NUMB: variants seen among roughly 807,000 people sequenced by gnomAD.
NUMB encodes protein numb homolog.
Under a neutral mutation model 59.7 loss-of-function variants are expected in NUMB, and 29 were observed. That is an observed-to-expected ratio of 0.49 (90% CI 0.36 to 0.66). The LOEUF (loss-of-function observed/expected upper bound fraction) is 0.66. NUMB is among the 30% of genes least tolerant of loss of function. The pLI is 0.00. For synonymous variants in NUMB, 288 were observed against 288.2 expected (o/e 1.00, Z 0.01); for missense variants, 723 against 822.0 (o/e 0.88, Z 1.47).
chr14:73,346,671 A>T (rs1335878009), intron 4 of NUMB, among the ~76,000 whole-genome samples: 1 of 152,104 alleles, frequency 6.6e-6, no homozygotes, highest in Non-Finnish European at 1.5e-5. Flanking sequence ...TGTTTCTATA[A>T]GCTTCTCTCT....
chr14:73,362,787 T>C (rs1894155008), intron 3 of NUMB, among the ~76,000 whole-genome samples: 1 of 152,004 alleles, frequency 6.6e-6, no homozygotes, highest in Non-Finnish European at 1.5e-5. Flanking sequence ...TCAGCAAGTC[T>C]CAATGACATA....
At chr14:73,337,136 T>TAA (rs879509965) in intron 4 of NUMB, among the ~76,000 whole-genome samples, 1 of 145,982 alleles carries the variant, frequency 6.9e-6, no homozygotes, top group Non-Finnish European at 1.5e-5. Context: ...ACTCTGTCTT[T>TAA]AAAAAAAAAA....
chr14:73,291,085 T>C (rs957053896), intron 8 of NUMB, among the ~76,000 whole-genome samples: 1 of 151,854 alleles, frequency 6.6e-6, no homozygotes, highest in African/African-American at 2.4e-5. Context: ...TTTTGTTTTT[T>C]GTTTTTTTTT....
At chr14:73,361,458 CTT>C (rs530239515) in intron 3 of NUMB, among the ~76,000 whole-genome samples, 1 of 145,506 alleles carries the variant, frequency 6.9e-6, no homozygotes. Context: ...TTCAGAATTT[CTT>C]TTTTTTTTTA....
chr14:73,336,419 G>T (rs1421233531), intron 4 of NUMB, among the ~76,000 whole-genome samples: 1 of 152,256 alleles, frequency 6.6e-6, no homozygotes, highest in African/African-American at 2.4e-5. Flanking sequence ...CAGCTATTGC[G>T]TGCCTTCTGG....
rs996398712 is a variant in NUMB, at chr14:73,440,632, T to A, written c.-233+17861A>T. Reference sequence around the variant, plus strand: ...AGGCTGAGGCGGGCGGATCACGAGGTCAGGAGATCGAGACCATCGAAACCC... The same window carrying A: ...AGGCTGAGGCGGGCGGATCACGAGGACAGGAGATCGAGACCATCGAAACCC... On this transcript the variant is annotated intron_variant, in intron 1 of 12. Coordinates refer to ENST00000555238, the MANE Select transcript of NUMB (RefSeq NM_001005743.2). 7.3e-5 allele frequency among the ~76,000 whole-genome samples: 11 copies of A among 150,180 alleles called. No homozygotes were observed. In the South Asian group the frequency reaches 2.3e-3, roughly 32 times the overall value.
chr14:73,297,525 A>G (rs1471702628), intron 6 of NUMB: 1 of 342,478 alleles, frequency 2.9e-6, no homozygotes, highest in African/African-American at 2.1e-5. Context: ...AAAATTAAGT[A>G]AAAGGGAAGT....
intron 2 of NUMB, among the ~76,000 whole-genome samples, chr14:73,398,631 T>G (rs184900090): frequency 1.1e-3 from 172 of 152,044 alleles, no homozygotes; most frequent in Non-Finnish European, 2.1e-3. Flanking sequence ...TTGTAACAAG[T>G]AAATGAAAAG....
chr14:73,381,973 GA>G (rs1895265333), intron 2 of NUMB, among the ~76,000 whole-genome samples: 1 of 152,086 alleles, frequency 6.6e-6, no homozygotes, highest in Non-Finnish European at 1.5e-5. Context: ...AGAGCTTTTG[GA>G]AACCTCACAG....
intron 1 of NUMB, among the ~76,000 whole-genome samples, chr14:73,420,435 T>C (rs754829254): frequency 5.9e-5 from 9 of 152,210 alleles, no homozygotes; most frequent in Non-Finnish European, 1.2e-4. Context: ...AGGGTGACTA[T>C]TGATTCACAT....
intron 4 of NUMB, among the ~76,000 whole-genome samples, chr14:73,328,579 C>T (rs908981665): frequency 3.3e-5 from 5 of 152,156 alleles, no homozygotes; most frequent in South Asian, 2.1e-4. Context: ...CAATTGGTAT[C>T]GTCTCTTTTT....
chr14:73,288,900 A>T (rs1404065866), intron 8 of NUMB, among the ~76,000 whole-genome samples: 1 of 151,978 alleles, frequency 6.6e-6, no homozygotes, highest in African/African-American at 2.4e-5. Context: ...AGAAAAAATT[A>T]GTCGAGTGTG....
chr14:73,345,768 C>T lies in NUMB; in HGVS notation c.126+9858G>A, dbSNP rs184284173. ...ACTAAAAATACAAAAATTAGCCGGG[C>T]GTGGTGGCAGGCACCTGTAATCCCA... On this transcript the variant is annotated intron_variant, in intron 4 of 12. Transcript: ENST00000555238. 1.5e-4 allele frequency among the ~76,000 whole-genome samples: 23 copies of T among 151,858 alleles called. No homozygotes were observed. The East Asian group carries it at 4.3e-3, about 28-fold the overall frequency.
At chr14:73,383,237 T>C (rs1312250465) in intron 2 of NUMB, among the ~76,000 whole-genome samples, 2 of 152,138 alleles carry the variant, frequency 1.3e-5, no homozygotes, top group African/African-American at 4.8e-5. Flanking sequence ...TTGTGATTAA[T>C]ATGTTCAGGA....
intron 12 of NUMB, among the ~76,000 whole-genome samples, chr14:73,278,745 T>TTTTTTTC (rs201063200): frequency 9.3e-6 from 1 of 107,352 alleles, no homozygotes; most frequent in African/African-American, 3.9e-5. Context: ...TTTTTTTTTT[T>TTTTTTTC]GAGACAGAGT....
chr14:73,276,629 A>G lies in NUMB; in HGVS notation c.1905T>C (p.Pro635=). The G allele has an allele frequency of 6.2e-7, 1 of 1,614,178 alleles. No homozygotes were observed. Among genetic ancestry groups the G allele is most frequent in the Non-Finnish European group, 8.5e-7 (1 of 1,179,996 alleles). The part of the protein sequence containing the change: ...NKSKQRTNPS[P]TNPFSSDLQK... ...GTAAGTCACTGGAGAAAGGGTTGGT[A>G]GGGGAGGGATTAGTACGCTGCTTGG... Residue 635 remains proline (P), a synonymous_variant, in exon 13 of 13, where the codon CCT becomes CCC. Coordinates refer to ENST00000555238, the MANE Select transcript of NUMB (RefSeq NM_001005743.2).
At chr14:73,445,104 T>C (rs1300924433) in intron 1 of NUMB, among the ~76,000 whole-genome samples, 1 of 151,670 alleles carries the variant, frequency 6.6e-6, no homozygotes, top group Admixed American at 6.6e-5. Flanking sequence ...TCAAAAGAAT[T>C]TAGAGATTAG....
chr14:73,440,555 A>G (rs947950369), intron 1 of NUMB, among the ~76,000 whole-genome samples: 1 of 151,958 alleles, frequency 6.6e-6, no homozygotes, highest in African/African-American at 2.4e-5. Context: ...GCAACAAAAA[A>G]AACAAATCGG....
At position 73,275,443 on chromosome 14, in the gene NUMB, T is replaced by TCCCCAC. The variant is rs1888089541; in HGVS notation, c.*1129_*1134dup. The TCCCCAC allele has an allele frequency of 6.6e-6, 1 of 152,030 alleles. No homozygotes were observed. Among genetic ancestry groups the TCCCCAC allele is most frequent in the Non-Finnish European group, 1.5e-5 (1 of 67,918 alleles). 9.4% of individuals were successfully genotyped at this position (152,030 alleles called of 1,614,324 possible). A position where few individuals can be genotyped will look rare whatever the true frequency, so the allele number is the denominator to read the frequency against. ...AAAGCTAATAAAACCAGAATCCCCATCCCCACAAAACTCATGGGAACAAAA... is the reference window on the plus strand; with the variant it reads ...AAAGCTAATAAAACCAGAATCCCCATCCCCACCCCCACAAAACTCATGGGAACAAAA... On this transcript the variant is annotated 3_prime_UTR_variant, in exon 13 of 13. Coordinates refer to ENST00000555238, the MANE Select transcript of NUMB (RefSeq NM_001005743.2).
Sources: allele counts gnomAD v4.1 joint callset (sites outside exome capture counted in the v4.1 genomes callset), GRCh38; gene constraint gnomAD v4.1.1; transcripts MANE v1.5; gene names NCBI Gene and HGNC (gene_info 2026-07-23, HGNC 2026-07-21).